The following ELP2 variants were observed in gnomAD, a reference collection of about 807,000 sequenced individuals.
The protein encoded by ELP2 is elongator acetyltransferase complex subunit 2, also known as elongator complex protein 2.
In ELP2, 90 loss-of-function variants were observed where a neutral mutation model predicts 119.2. That is an observed-to-expected ratio of 0.75 (90% CI 0.64 to 0.90). ELP2 has a LOEUF of 0.90. Ranked by LOEUF, ELP2 falls within the 40% of genes least tolerant of loss-of-function variation. The pLI is 0.00. For synonymous variants in ELP2, 339 were observed against 331.0 expected (o/e 1.02, Z -0.26); for missense variants, 921 against 967.8 (o/e 0.95, Z 0.64).
intron 17 of ELP2, among the ~76,000 whole-genome samples, chr18:36,162,288 T>C (rs182021572): frequency 9.1e-4 from 139 of 152,346 alleles, no homozygotes; most frequent in Admixed American, 1.2e-3. Context: ...GTTTACATTT[T>C]CTAAAATTGT....
intron 3 of ELP2, 185 bp from the exon 4 acceptor site, chr18:36,138,085 G>T: frequency 1.7e-6 from 1 of 584,628 alleles, no homozygotes; most frequent in Non-Finnish European, 3.0e-6. Flanking sequence ...ATATGAGATT[G>T]CTGTGTCACA....
intron 19 of ELP2, among the ~76,000 whole-genome samples, chr18:36,169,709 G>T (rs546575): frequency 0.37 from 55,820 of 151,960 alleles, 10,384 homozygotes; most frequent in Middle Eastern, 0.45. Flanking sequence ...TAGTTCTTAA[G>T]CATTTTGTGG....
intron 11 of ELP2, among the ~76,000 whole-genome samples, chr18:36,152,982 T>A (rs928365564): frequency 6.6e-6 from 1 of 152,206 alleles, no homozygotes; most frequent in Admixed American, 6.5e-5. Context: ...CCACAGGACT[T>A]AGAAATATTT....
intron 19 of ELP2, among the ~76,000 whole-genome samples, chr18:36,169,498 T>G (rs1386367918): frequency 6.6e-6 from 1 of 151,774 alleles, no homozygotes; most frequent in Non-Finnish European, 1.5e-5. Context: ...GCGATTCTCC[T>G]GCCTTAGCCT....
In ELP2 at chr18:36,133,702, T is replaced by C. The variant is rs73428926; in HGVS notation, c.217+386T>C. On this transcript the variant is annotated intron_variant, in intron 2 of 21. Coordinates refer to ENST00000358232, the MANE Select transcript of ELP2 (RefSeq NM_018255.4). The stretch of plus-strand genomic sequence containing the variant: ...AGCTATTGGTTTTTCTTTTTATTCT[T>C]TTTTCTTTTATTTACTTATTTATTT... Among the ~76,000 whole-genome samples the C allele has an allele frequency of 2.9e-3, 434 of 148,018 alleles. 1 individual carries two copies. Among genetic ancestry groups the C allele is most frequent in the African/African-American group, 0.01 (416 of 40,406 alleles).
rs8299 is a variant in ELP2 at position 36,170,083 on chromosome 18, C to T, written c.2097C>T (p.Cys699=). Residue 699 remains cysteine (C), a synonymous_variant, in exon 20 of 22, where the codon TGC becomes TGT. Transcript: ENST00000358232. ...ATTAGGTGGTTGTCTGGGGTGAGTG[C>T]GACTCCACTGATGACTGTATTGAGC... ...RDKKVVVWGE[C]DSTDDCIEHN... is the part of the protein sequence containing the mutation. The T allele has an allele frequency of 0.37, 590,333 of 1,613,544 alleles. 109,801 individuals are homozygous for T. The highest frequency in any genetic ancestry group is 0.4 in the Admixed American group (23,751 of 60,004).
chr18:36,152,519 C>T (rs2090435013), intron 11 of ELP2, among the ~76,000 whole-genome samples: 1 of 152,136 alleles, frequency 6.6e-6, no homozygotes, highest in African/African-American at 2.4e-5. Context: ...GGTGAATATC[C>T]CTGTCATCAC....
intron 3 of ELP2, 48 bp downstream of exon 3, chr18:36,136,425 G>A: frequency 6.8e-7 from 1 of 1,465,954 alleles, no homozygotes; most frequent in African/African-American, 1.4e-5. Context: ...TTGTTCATTT[G>A]TTTTTTAAGA....
intron 13 of ELP2, among the ~76,000 whole-genome samples, chr18:36,156,993 TA>T (rs1295186450): frequency 6.6e-6 from 1 of 152,088 alleles, no homozygotes; most frequent in Non-Finnish European, 1.5e-5. Context: ...AGCTGTATGG[TA>T]GGGGTAGAGG....
Position 36,170,175 on chromosome 18 carries a change from C to G in ELP2, c.2189C>G (p.Pro730Arg). ...GCTGTGACAGCTGTCAGCGTCTGCC[C>G]AGTGCTCCACCCTTCTCAACGGTCA... ...GGAVTAVSVC[P>R]VLHPSQRYVV... Residue 730 changes from proline (P) to arginine (R), a missense_variant, in exon 20 of 22, where the codon CCA (proline) becomes CGA (arginine). Pro to Arg is a moderately radical substitution (Grantham distance 103). Coordinates refer to ENST00000358232, the MANE Select transcript of ELP2 (RefSeq NM_018255.4). 1 of 1,614,130 alleles carries G rather than the reference C, an allele frequency of 6.2e-7. No individual in the cohort carries two copies. The highest frequency in any genetic ancestry group is 8.5e-7 in the Non-Finnish European group (1 of 1,180,022).
intron 8 of ELP2, 112 bp downstream of exon 8, chr18:36,143,078 C>T (rs1598755928): frequency 2.6e-6 from 2 of 758,562 alleles, no homozygotes; most frequent in Non-Finnish European, 2.1e-6. Flanking sequence ...TGTCAGATTC[C>T]TACCTGAAAT....
In ELP2 at chr18:36,129,920, G is replaced by C. The variant is rs774498559; in HGVS notation, c.-14G>C. 1 of 1,614,216 alleles carries C rather than the reference G, an allele frequency of 6.2e-7. No individual in the cohort carries two copies. The highest frequency in any genetic ancestry group is 1.1e-5 in the South Asian group (1 of 91,086). On this transcript the variant is annotated 5_prime_UTR_variant, in exon 1 of 22. Coordinates refer to ENST00000358232, the MANE Select transcript of ELP2 (RefSeq NM_018255.4). Reference sequence around the variant, plus strand: ...GTGCGCGTCTCTTGTTTGTGCGGCTGACCAGTTGGCGACATGGTGGCACCC... The same window carrying C: ...GTGCGCGTCTCTTGTTTGTGCGGCTCACCAGTTGGCGACATGGTGGCACCC...
At chr18:36,156,387 A>T in intron 12 of ELP2, 79 bp from the exon 13 acceptor site, 1 of 1,344,788 alleles carries the variant, frequency 7.4e-7, no homozygotes, top group South Asian at 1.2e-5. Flanking sequence ...ATTGTATAGT[A>T]AATAATTTTC....
chr18:36,167,000 T>A, intron 18 of ELP2, 101 bp from the exon 19 acceptor site: 2 of 1,239,622 alleles, frequency 1.6e-6, no homozygotes, highest in Non-Finnish European at 2.2e-6. Flanking sequence ...ATAAATTGAA[T>A]ATTAAGTCAT....
intron 17 of ELP2, among the ~76,000 whole-genome samples, chr18:36,161,785 A>G (rs2090749817): frequency 6.6e-6 from 1 of 152,182 alleles, no homozygotes; most frequent in Non-Finnish European, 1.5e-5. Flanking sequence ...CATTTTGGAC[A>G]TCATAAGAAA....
In ELP2 at chr18:36,138,307, C is replaced by G; in HGVS notation, c.326C>G (p.Pro109Arg). The G allele has an allele frequency of 1.9e-6, 3 of 1,614,068 alleles. No individual in the cohort carries two copies. Among genetic ancestry groups the G allele is most frequent in the Non-Finnish European group, 2.5e-6 (3 of 1,179,994 alleles). The stretch of plus-strand genomic sequence containing the variant: ...GTGCATCTTCAAGGCCATGAAGGAC[C>G]TGTTTATGCGGTGCATGCTGTTTAC... ...KAVHLQGHEG[P>R]VYAVHAVYQR... The change falls in exon 4 of 22, where the codon CCT becomes CGT. Residue 109 changes from proline to arginine, a missense_variant. Transcript: ENST00000358232.
rs568090327 is a variant in ELP2 at position 36,136,483 on chromosome 18, G to A, written c.288+106G>A. On this transcript the variant is annotated intron_variant, in intron 3 of 21. Coordinates refer to ENST00000358232, the MANE Select transcript of ELP2 (RefSeq NM_018255.4). ...CAGGCTGACGTGCAGTGGTGCGATC[G>A]TGGCTCACCTCAGCCTCCTAAGTAG... 2.0e-5 allele frequency: 18 copies of A among 898,498 alleles called. 1 individual carries two copies. Among genetic ancestry groups the A allele is most frequent in the African/African-American group, 6.5e-5 (4 of 61,136 alleles). 55.7% of individuals were successfully genotyped at this position (898,498 alleles called of 1,614,324 possible).
intron 6 of ELP2, among the ~76,000 whole-genome samples, chr18:36,141,813 C>T (rs1169937552): frequency 6.6e-6 from 1 of 151,658 alleles, no homozygotes; most frequent in African/African-American, 2.4e-5. Flanking sequence ...GCCTCAGCCT[C>T]CTGTGTAGTT....
chr18:36,152,585 G>A (rs1248393264), intron 11 of ELP2, among the ~76,000 whole-genome samples: 2 of 152,228 alleles, frequency 1.3e-5, no homozygotes, highest in Non-Finnish European at 1.5e-5. Context: ...CATCTGGGGT[G>A]TTACACTTGG....
Sources: gnomAD v4.1 joint callset for allele counts (sites outside exome capture counted in the v4.1 genomes callset) on GRCh38, gnomAD v4.1.1 for gene constraint, MANE v1.5 for transcripts, NCBI Gene and HGNC (gene_info 2026-07-23, HGNC 2026-07-21) for gene names.